The following RCAN3 variants were observed in gnomAD, a reference collection of about 807,000 sequenced individuals.
RCAN3 encodes regulator of calcineurin 3, also known as calcipressin-3.
In RCAN3, 19 loss-of-function variants were observed where a neutral mutation model predicts 21.9. The observed-to-expected ratio is 0.87, with a 90% CI of 0.61 to 1.27. The LOEUF (loss-of-function observed/expected upper bound fraction) is 1.27. Among genes scored for constraint, RCAN3 ranks in the 50% most tolerant of loss-of-function variants. The pLI is 0.00. For missense variants in RCAN3, 240 were observed against 300.1 expected (o/e 0.80, Z 1.48); for synonymous variants, 114 against 112.3 (o/e 1.01, Z -0.09).
chr1:24,514,220 TTCA>T (rs904701522), intron 1 of RCAN3, 91 bp from the exon 2 acceptor site: 6 of 544,520 alleles, frequency 1.1e-5, no homozygotes, highest in Non-Finnish European at 1.5e-5. Context: ...ATAAAATTGC[TTCA>T]TTTGATGAAT....
At chr1:24,507,516 T>C (rs1557563043) in intron 1 of RCAN3, 1 of 152,224 alleles carries the variant, frequency 6.6e-6, no homozygotes, top group Non-Finnish European at 1.5e-5. Flanking sequence ...GTTTCACAGA[T>C]ACAGTCTTGT....
In RCAN3 at chr1:24,536,192, G is replaced by A. The variant is rs1296525148; in HGVS notation, c.*915G>A. The A allele has an allele frequency of 1.3e-5, 2 of 152,162 alleles. No homozygotes were observed. Among genetic ancestry groups the A allele is most frequent in the Non-Finnish European group, 2.9e-5 (2 of 68,026 alleles). The allele number at this position is 152,162 out of a possible 1,614,324, so 9.4% of individuals were successfully genotyped here. ...TTCTTGAGTTTTTTGGCTATGATGT[G>A]TACGTTTATGTATGTCATTCATGGA... On this transcript the variant is annotated 3_prime_UTR_variant, in exon 5 of 5. Coordinates refer to ENST00000374395, the MANE Select transcript of RCAN3 (RefSeq NM_013441.4).
intron 2 of RCAN3, among the ~76,000 whole-genome samples, chr1:24,515,002 T>C (rs1380735498): frequency 6.6e-6 from 1 of 152,002 alleles, no homozygotes; most frequent in Non-Finnish European, 1.5e-5. Context: ...TGTCCACTTT[T>C]AGATGTTGCC....
In RCAN3 at chr1:24,538,882, TG is replaced by T. The variant is rs1650371840; in HGVS notation, c.*3606del. On this transcript the variant is annotated 3_prime_UTR_variant, in exon 5 of 5. Transcript: ENST00000374395. ...GAGAGGCTGAGGTGAGAGGATCACTTGAGTTCAGGAGTTCAAGACCAGCCTG... is the reference window on the plus strand; with the variant it reads ...GAGAGGCTGAGGTGAGAGGATCACTTAGTTCAGGAGTTCAAGACCAGCCTG... The T allele has an allele frequency of 6.6e-6, 1 of 151,850 alleles. No homozygotes were observed. Among genetic ancestry groups the T allele is most frequent in the Middle Eastern group, 3.2e-3 (1 of 316 alleles). 9.4% of individuals were successfully genotyped at this position (151,850 alleles called of 1,614,324 possible). A position where few individuals can be genotyped will look rare whatever the true frequency, so the allele number is the denominator to read the frequency against.
chr1:24,535,056 G>C (rs772699209), intron 4 of RCAN3, 37 bp from the exon 5 acceptor site: 1 of 1,578,204 alleles, frequency 6.3e-7, no homozygotes, highest in South Asian at 1.2e-5. Flanking sequence ...TGCTGGAAGT[G>C]ATGCTTTTGT....
At chr1:24,529,444 G>A (rs867779824) in intron 2 of RCAN3, among the ~76,000 whole-genome samples, 1 of 150,782 alleles carries the variant, frequency 6.6e-6, no homozygotes, top group Admixed American at 6.6e-5. Flanking sequence ...TGCTACTCAG[G>A]AGGCTGAAGT....
chr1:24,509,111 T>C (rs1486111973), intron 1 of RCAN3, among the ~76,000 whole-genome samples: 2 of 152,154 alleles, frequency 1.3e-5, no homozygotes, highest in Admixed American at 1.3e-4. Context: ...ACAGTGAACA[T>C]GATCACGCCA....
chr1:24,532,003 CA>C (rs922747941), intron 3 of RCAN3, among the ~76,000 whole-genome samples: 3 of 151,728 alleles, frequency 2.0e-5, no homozygotes, highest in Non-Finnish European at 4.4e-5. Context: ...GTTTTATTTT[CA>C]AAACATTTTT....
At chr1:24,509,695 C>A (rs1647727756) in intron 1 of RCAN3, among the ~76,000 whole-genome samples, 1 of 152,114 alleles carries the variant, frequency 6.6e-6, no homozygotes, top group South Asian at 2.1e-4. Flanking sequence ...GGGTTGAAAC[C>A]AACTTCTTCC....
At position 24,538,550 on chromosome 1, in the gene RCAN3, G is replaced by A. The variant is rs196421; in HGVS notation, c.*3273G>A. 0.32 allele frequency: 46,950 copies of A among 147,456 alleles called. 7,921 individuals are homozygous for A. Among genetic ancestry groups the A allele is most frequent in the East Asian group, 0.67 (3,385 of 5,080 alleles). The allele number at this position is 147,456 out of a possible 1,614,324, so 9.1% of individuals were successfully genotyped here. A position where few individuals can be genotyped will look rare whatever the true frequency, so the allele number is the denominator to read the frequency against. On this transcript the variant is annotated 3_prime_UTR_variant, in exon 5 of 5. Transcript: ENST00000374395. ...CTCCCAAGTAGCTGGGACTACAGGC[G>A]CCCGCTCCCACGCCCGGCTAATTTT...
chr1:24,519,620 G>T (rs1231467428), intron 2 of RCAN3, among the ~76,000 whole-genome samples: 1 of 152,104 alleles, frequency 6.6e-6, no homozygotes, highest in Non-Finnish European at 1.5e-5. Flanking sequence ...CATTTGATTT[G>T]TGTTTCTGAT....
At chr1:24,511,364 G>T (rs1475719454) in intron 1 of RCAN3, among the ~76,000 whole-genome samples, 2 of 150,336 alleles carry the variant, frequency 1.3e-5, no homozygotes, top group Non-Finnish European at 2.9e-5. Context: ...GCATGTATTG[G>T]TTAAGGACAC....
At position 24,538,073 on chromosome 1, in the gene RCAN3, T is replaced by C. The variant is rs1238699623; in HGVS notation, c.*2796T>C. On this transcript the variant is annotated 3_prime_UTR_variant, in exon 5 of 5. Transcript: ENST00000374395. ...AGAAAACCGTAACACTTAACAAGGA[T>C]AGTCACAGAACCGACGCTGCATTGG... 6.6e-6 allele frequency: 1 copy of C among 152,172 alleles called. No homozygotes were observed. The highest frequency in any genetic ancestry group is 1.5e-5 in the Non-Finnish European group (1 of 68,032). The allele number at this position is 152,172 out of a possible 1,614,324, so 9.4% of individuals were successfully genotyped here.
chr1:24,505,234 T>TTTTTTTTTTTTTTTTTTTTTTTTTTTTTC (rs1647344159), intron 1 of RCAN3, among the ~76,000 whole-genome samples: 1 of 71,404 alleles, frequency 1.4e-5, no homozygotes, highest in Non-Finnish European at 3.1e-5. Context: ...TCTTTTTTCT[T>TTTTTTTTTTTTTTTTTTTTTTTTTTTTTC]TTTTTTTTTT....
intron 2 of RCAN3, among the ~76,000 whole-genome samples, chr1:24,524,939 C>T (rs542923312): frequency 6.6e-6 from 1 of 150,378 alleles, no homozygotes; most frequent in Non-Finnish European, 1.5e-5. Flanking sequence ...AAGCAATTCT[C>T]GTGCATCAGT....
rs1196277322 is a variant in RCAN3 at position 24,540,660 on chromosome 1, AT to A, written c.*5386del. The A allele has an allele frequency of 6.6e-6, 1 of 152,084 alleles. No homozygotes were observed. The highest frequency in any genetic ancestry group is 1.5e-5 in the Non-Finnish European group (1 of 68,020). The allele number at this position is 152,084 out of a possible 1,614,324, so 9.4% of individuals were successfully genotyped here. On this transcript the variant is annotated 3_prime_UTR_variant, in exon 5 of 5. Coordinates refer to ENST00000374395, the MANE Select transcript of RCAN3 (RefSeq NM_013441.4). ...CAAGTTTCAGAAAACTTTCCCAATC[AT>A]TTCACTTCAATCTTAATTGAACCCA...
chr1:24,515,423 GA>G (rs1445274512), intron 2 of RCAN3, among the ~76,000 whole-genome samples: 2 of 117,424 alleles, frequency 1.7e-5, no homozygotes, highest in African/African-American at 8.8e-5. Flanking sequence ...TACCTAGAAA[GA>G]GAGGTGTGTG....
intron 1 of RCAN3, among the ~76,000 whole-genome samples, chr1:24,508,722 G>A (rs1454453356): frequency 6.6e-6 from 1 of 152,178 alleles, no homozygotes; most frequent in Non-Finnish European, 1.5e-5. Context: ...ACAGATAATT[G>A]TAATAAAGCC....
Position 24,537,937 on chromosome 1 carries a change from G to C in RCAN3, c.*2660G>C, listed in dbSNP as rs574762987. On this transcript the variant is annotated 3_prime_UTR_variant, in exon 5 of 5. Transcript: ENST00000374395. ...TTTAACCCTGATTGATAGTATAGTA[G>C]CCATGTTTTCTTTAGAAATCATAAC... is the stretch of plus-strand genomic sequence containing the variant. 2.0e-5 allele frequency: 3 copies of C among 152,132 alleles called. No homozygotes were observed. Among genetic ancestry groups the C allele is most frequent in the Non-Finnish European group, 2.9e-5 (2 of 68,028 alleles). The allele number at this position is 152,132 out of a possible 1,614,324, so 9.4% of individuals were successfully genotyped here.
Sources: allele counts gnomAD v4.1 joint callset (sites outside exome capture counted in the v4.1 genomes callset), GRCh38; gene constraint gnomAD v4.1.1; transcripts MANE v1.5; gene names NCBI Gene and HGNC (gene_info 2026-07-23, HGNC 2026-07-21).